BTG3: variants seen among roughly 807,000 people sequenced by gnomAD.
The protein encoded by BTG3 is BTG anti-proliferation factor 3, also known as protein BTG3.
Under a neutral mutation model 25.8 loss-of-function variants are expected in BTG3, and 4 were observed. The observed-to-expected ratio is 0.16, with a 90% CI of 0.08 to 0.36. BTG3 has a LOEUF of 0.36. BTG3 is among the 10% of genes least tolerant of loss of function. The pLI, the probability that BTG3 is intolerant of heterozygous loss-of-function variation, is 1.00. For synonymous variants in BTG3, 107 were observed against 99.9 expected (o/e 1.07, Z -0.42); for missense variants, 201 against 304.9 (o/e 0.66, Z 2.54).
intron 4 of BTG3, 81 bp downstream of exon 4, chr21:17,598,536 G>T: frequency 2.5e-6 from 3 of 1,177,852 alleles, no homozygotes; most frequent in Non-Finnish European, 3.6e-6. Context: ...CAGAAACCTT[G>T]GGCAATGCCA....
At position 17,612,844 on chromosome 21, in the gene BTG3, G is replaced by C. The variant is rs1469209946; in HGVS notation, c.-154C>G. On this transcript the variant is annotated 5_prime_UTR_variant, in exon 1 of 5. Coordinates refer to ENST00000348354, the MANE Select transcript of BTG3 (RefSeq NM_006806.5). ...GTCCGGCGCGTGCGGCTCCCGCGTC[G>C]TCGGGCGGCCAAGCGCGCGTTGAGA... 1 of 152,142 alleles carries C rather than the reference G, an allele frequency of 6.6e-6. No individual in the cohort carries two copies. Among genetic ancestry groups the C allele is most frequent in the Non-Finnish European group, 1.5e-5 (1 of 68,054 alleles). 9.4% of individuals were successfully genotyped at this position (152,142 alleles called of 1,614,324 possible).
intron 2 of BTG3, among the ~76,000 whole-genome samples, chr21:17,605,594 C>G (rs2061629176): frequency 6.6e-6 from 1 of 152,170 alleles, no homozygotes; most frequent in Admixed American, 6.5e-5. Flanking sequence ...TTTCATTTAA[C>G]TTCTATTTAC....
At chr21:17,601,984 T>G (rs1165280189) in intron 3 of BTG3, among the ~76,000 whole-genome samples, 3 of 152,196 alleles carry the variant, frequency 2.0e-5, no homozygotes, top group African/African-American at 7.2e-5. Context: ...TATACTACTA[T>G]AACATTACAA....
intron 2 of BTG3, among the ~76,000 whole-genome samples, chr21:17,606,845 G>A (rs1156869406): frequency 2.6e-5 from 4 of 151,990 alleles, no homozygotes; most frequent in East Asian, 3.8e-4. Flanking sequence ...ATACATGTTC[G>A]TCTGCATTTC....
At position 17,594,306 on chromosome 21, in the gene BTG3, A is replaced by C. The variant is rs1171276893; in HGVS notation, c.546T>G (p.Leu182=). ...YQISELIFPP[L]PMWHPLPRKK... is the part of the protein sequence containing the mutation. ...TTCTGGGCAAAGGGTGCCACATTGG[A>C]AGAGGTGGAAATATAAGTTCTGAAA... The change falls in exon 5 of 5, where the codon CTT becomes CTG. Residue 182 remains leucine (L), a synonymous_variant. Coordinates refer to ENST00000348354, the MANE Select transcript of BTG3 (RefSeq NM_006806.5). 2 of 1,612,896 alleles carry C rather than the reference A, an allele frequency of 1.2e-6. No individual in the cohort carries two copies. Among genetic ancestry groups the C allele is most frequent in the Middle Eastern group, 1.6e-4 (1 of 6,080 alleles).
intron 2 of BTG3, 134 bp downstream of exon 2, chr21:17,608,838 A>T: frequency 1.1e-6 from 1 of 871,934 alleles, no homozygotes; most frequent in Non-Finnish European, 1.7e-6. Flanking sequence ...AGGAGAAAAT[A>T]TACAAACACC....
intron 4 of BTG3, among the ~76,000 whole-genome samples, chr21:17,594,809 CAAA>C (rs1017593777): frequency 6.6e-6 from 1 of 151,530 alleles, no homozygotes; most frequent in African/African-American, 2.4e-5. Flanking sequence ...CTTATGAACA[CAAA>C]GAAGGAAACA....
intron 4 of BTG3, 71 bp from the exon 5 acceptor site, chr21:17,594,403 A>G (rs2123420824): frequency 6.8e-7 from 1 of 1,468,116 alleles, no homozygotes. Flanking sequence ...ATTTCTCATT[A>G]AAGACAAACA....
chr21:17,604,031 G>T, intron 3 of BTG3: 1 of 873,430 alleles, frequency 1.1e-6, no homozygotes, highest in Non-Finnish European at 1.5e-6. Context: ...AGCAAGTGGA[G>T]TTCAAAAAGA....
chr21:17,604,794 T>C, intron 3 of BTG3, 66 bp downstream of exon 3: 1 of 1,564,096 alleles, frequency 6.4e-7, no homozygotes, highest in Non-Finnish European at 8.7e-7. Flanking sequence ...AGGCCGTACA[T>C]GACAGAATGT....
chr21:17,606,904 TATGA>T (rs1357696779), intron 2 of BTG3, among the ~76,000 whole-genome samples: 3 of 152,198 alleles, frequency 2.0e-5, no homozygotes, highest in East Asian at 1.9e-4. Context: ...GTTCAAAAGG[TATGA>T]ATATTTTTAT....
intron 2 of BTG3, chr21:17,605,268 C>T (rs566088486): frequency 2.0e-4 from 53 of 263,080 alleles, no homozygotes; most frequent in African/African-American, 1.1e-3. Context: ...CACCCATGTA[C>T]ATTAAATGAG....
Position 17,594,294 on chromosome 21 carries a change from G to A in BTG3, c.558C>T (p.His186=), listed in dbSNP as rs532920211. ...ELIFPPLPMW[H]PLPRKKPGMY... is the part of the protein sequence containing the mutation. ...TTCCTGGCTTTTTTCTGGGCAAAGG[G>A]TGCCACATTGGAAGAGGTGGAAATA... is the stretch of plus-strand genomic sequence containing the variant. Residue 186 remains histidine (H), a synonymous_variant, in exon 5 of 5, where the codon CAC becomes CAT. Transcript: ENST00000348354. 1 of 1,612,912 alleles carries A rather than the reference G, an allele frequency of 6.2e-7. No individual in the cohort carries two copies. The highest frequency in any genetic ancestry group is 8.5e-7 in the Non-Finnish European group (1 of 1,179,246).
chr21:17,597,266 AT>A (rs1368785579), intron 4 of BTG3, among the ~76,000 whole-genome samples: 1 of 152,112 alleles, frequency 6.6e-6, no homozygotes, highest in East Asian at 1.9e-4. Flanking sequence ...AATCAATTTA[AT>A]TTGAGACTTA....
At chr21:17,601,742 A>G (rs1334940109) in intron 3 of BTG3, among the ~76,000 whole-genome samples, 1 of 152,232 alleles carries the variant, frequency 6.6e-6, no homozygotes, top group Non-Finnish European at 1.5e-5. Context: ...ACTTAGGCCT[A>G]TCTTCAGTTT....
intron 3 of BTG3, among the ~76,000 whole-genome samples, chr21:17,600,273 A>G (rs2061555809): frequency 6.6e-6 from 1 of 152,074 alleles, no homozygotes; most frequent in Admixed American, 6.6e-5. Context: ...CTATCAAACA[A>G]TTTCTAGCAT....
In BTG3 at chr21:17,594,177, T is replaced by C. The variant is rs780743671; in HGVS notation, c.675A>G (p.Pro225=). 5.0e-6 allele frequency: 8 copies of C among 1,613,316 alleles called. No homozygotes were observed. The highest frequency in any genetic ancestry group is 6.8e-6 in the Non-Finnish European group (8 of 1,179,422). ...NQGRKNKPYR[P]IPVTWVPPPG... ...GAGGAGGTACCCATGTCACTGGAAT[T>C]GGGCGATATGGTTTATTTTTTCTTC... The change falls in exon 5 of 5, where the codon CCA becomes CCG. Residue 225 remains proline, a synonymous_variant. Coordinates refer to ENST00000348354, the MANE Select transcript of BTG3 (RefSeq NM_006806.5).
Position 17,604,844 on chromosome 21 carries a change from A to G in BTG3, c.311+16T>C, listed in dbSNP as rs780368985. The G allele has an allele frequency of 1.3e-5, 21 of 1,608,974 alleles. No individual in the cohort carries two copies. The East Asian group carries it at 4.0e-4, about 31-fold the overall frequency. On this transcript the variant is annotated intron_variant, in intron 3 of 4. Transcript: ENST00000348354. Reference sequence around the variant, plus strand: ...CAGCATGGTCATCAGTTCAGCCTCTAAACTTGAGAACTCACCGACAGCACA... The same window carrying G: ...CAGCATGGTCATCAGTTCAGCCTCTGAACTTGAGAACTCACCGACAGCACA...
intron 4 of BTG3, among the ~76,000 whole-genome samples, chr21:17,597,661 A>G (rs1354981073): frequency 6.6e-6 from 1 of 152,134 alleles, no homozygotes; most frequent in Non-Finnish European, 1.5e-5. Context: ...ATATACATAG[A>G]ATCCTAAATT....
Sources: gnomAD v4.1 joint callset for allele counts (sites outside exome capture counted in the v4.1 genomes callset) on GRCh38, gnomAD v4.1.1 for gene constraint, MANE v1.5 for transcripts, NCBI Gene and HGNC (gene_info 2026-07-23, HGNC 2026-07-21) for gene names.